The following CENPP variants were observed in gnomAD, a reference collection of about 807,000 sequenced individuals.
The protein encoded by CENPP is centromere protein P.
CENPP carries 24 observed loss-of-function variants against 35.6 expected under a neutral mutation model. That is an observed-to-expected ratio of 0.67 (90% confidence interval 0.49 to 0.95). The LOEUF (loss-of-function observed/expected upper bound fraction) is 0.95, where lower values mean the gene tolerates loss of function less well. Ranked by LOEUF, CENPP falls within the 40% of genes least tolerant of loss-of-function variation. CENPP has a pLI of 0.00. For synonymous variants in CENPP, 120 were observed against 125.5 expected (o/e 0.96, Z 0.29); for missense variants, 332 against 345.3 (o/e 0.96, Z 0.31).
chr9:92,618,948 A>G lies in CENPP; in HGVS notation c.*5799A>G. Reference sequence around the variant, plus strand: ...TAACGACTATGAGATTATCAGTTTCATCCCGAATTCCCAGAAACAGAGGGG... The same window carrying G: ...TAACGACTATGAGATTATCAGTTTCGTCCCGAATTCCCAGAAACAGAGGGG... On this transcript the variant is annotated 3_prime_UTR_variant, in exon 8 of 8. Transcript: ENST00000375587. The G allele has an allele frequency of 3.6e-6, 1 of 278,024 alleles. No individual in the cohort carries two copies. The highest frequency in any genetic ancestry group is 3.9e-5 in the South Asian group (1 of 25,436). 17.2% of individuals were successfully genotyped at this position (278,024 alleles called of 1,614,324 possible).
intron 5 of CENPP, among the ~76,000 whole-genome samples, chr9:92,388,432 G>C (rs564909283): frequency 6.6e-6 from 1 of 152,058 alleles, no homozygotes; most frequent in East Asian, 1.9e-4. Flanking sequence ...AAAGTGCTGG[G>C]ATTATAGGCG....
chr9:92,377,963 C>A (rs1346000977), intron 4 of CENPP, among the ~76,000 whole-genome samples: 1 of 152,158 alleles, frequency 6.6e-6, no homozygotes, highest in Non-Finnish European at 1.5e-5. Flanking sequence ...CTCTGATTCT[C>A]CCTTATCTCT....
intron 5 of CENPP, among the ~76,000 whole-genome samples, chr9:92,399,296 GTC>G (rs967909613): frequency 1.5e-4 from 23 of 151,906 alleles, no homozygotes; most frequent in African/African-American, 5.3e-4. Context: ...TAATTTATAT[GTC>G]TCTGTGTGAG....
chr9:92,385,489 C>T, intron 5 of CENPP: 1 of 778,168 alleles, frequency 1.3e-6, no homozygotes, highest in Non-Finnish European at 2.0e-6. Flanking sequence ...AACATCCTTG[C>T]TTAAAATATT....
chr9:92,402,801 T>C (rs544751671), intron 5 of CENPP, among the ~76,000 whole-genome samples: 12 of 152,350 alleles, frequency 7.9e-5, no homozygotes, highest in Middle Eastern at 3.4e-3. Context: ...ACCAGTACTC[T>C]TCTATGTATT....
intron 5 of CENPP, among the ~76,000 whole-genome samples, chr9:92,389,409 C>G (rs772598138): frequency 2.0e-5 from 3 of 152,150 alleles, no homozygotes; most frequent in Non-Finnish European, 4.4e-5. Flanking sequence ...TAGAATTTCA[C>G]AGTCTAATAT....
chr9:92,353,973 G>GCC (rs771915746), intron 4 of CENPP, among the ~76,000 whole-genome samples: 25 of 152,172 alleles, frequency 1.6e-4, no homozygotes, highest in Non-Finnish European at 3.1e-4. Flanking sequence ...ACTTCAAAAG[G>GCC]CCATTCTACT....
intron 5 of CENPP, among the ~76,000 whole-genome samples, chr9:92,580,195 T>A (rs1193144275): frequency 2.0e-5 from 3 of 152,190 alleles, no homozygotes; most frequent in Non-Finnish European, 2.9e-5. Flanking sequence ...GCTGCTGGAT[T>A]CGGTTTGCCA....
At chr9:92,382,854 C>G (rs1323661686) in intron 5 of CENPP, among the ~76,000 whole-genome samples, 1 of 127,898 alleles carries the variant, frequency 7.8e-6, no homozygotes, top group African/African-American at 3.0e-5. Context: ...TTCTGTTGGT[C>G]TATATGTCTG....
intron 3 of CENPP, among the ~76,000 whole-genome samples, chr9:92,345,136 C>G (rs1841251345): frequency 6.6e-6 from 1 of 151,972 alleles, no homozygotes; most frequent in Non-Finnish European, 1.5e-5. Flanking sequence ...ACCTGTAGTC[C>G]CAGCTACTCG....
At chr9:92,522,612 A>G (rs1848147281) in intron 5 of CENPP, 1 of 1,613,622 alleles carries the variant, frequency 6.2e-7, no homozygotes, top group East Asian at 2.2e-5. Context: ...CTCCAGGAAA[A>G]CTTGAAAAGG....
At chr9:92,371,743 T>G (rs1842008470) in intron 4 of CENPP, among the ~76,000 whole-genome samples, 1 of 152,156 alleles carries the variant, frequency 6.6e-6, no homozygotes, top group Non-Finnish European at 1.5e-5. Flanking sequence ...GTTCTCTCTT[T>G]ATATTTGGTA....
At chr9:92,470,783 T>G (rs771223552) in intron 5 of CENPP, 1 of 1,513,944 alleles carries the variant, frequency 6.6e-7, no homozygotes, top group South Asian at 1.2e-5. Context: ...AGGTCAAACC[T>G]TAGAAAGAAA....
At chr9:92,351,548 A>C (rs559358234) in intron 4 of CENPP, among the ~76,000 whole-genome samples, 1 of 151,968 alleles carries the variant, frequency 6.6e-6, no homozygotes, top group East Asian at 1.9e-4. Flanking sequence ...CTCCTCATCC[A>C]CCATTCTACT....
chr9:92,588,423 AT>A (rs879371310), intron 5 of CENPP, among the ~76,000 whole-genome samples: 95 of 142,900 alleles, frequency 6.6e-4, no homozygotes, highest in Admixed American at 7.7e-4. Context: ...AATTTTTTGT[AT>A]TTTTTTTTTT....
intron 5 of CENPP, among the ~76,000 whole-genome samples, chr9:92,603,196 C>T (rs955962659): frequency 1.3e-5 from 2 of 152,180 alleles, no homozygotes; most frequent in Non-Finnish European, 2.9e-5. Context: ...GACAAAGGCC[C>T]CTTGTCCCAG....
At chr9:92,392,020 A>AT (rs1425735852) in intron 5 of CENPP, among the ~76,000 whole-genome samples, 5 of 152,028 alleles carry the variant, frequency 3.3e-5, no homozygotes, top group African/African-American at 1.2e-4. Context: ...TCTCGGTGTG[A>AT]TTTTTTTCAG....
rs905587689 is a variant in CENPP, at chr9:92,618,532, G to A, written c.*5383G>A. ...TTGCCCAGCTGCATCCTTGGTCGGG[G>A]GGCTGCTGAACAGTGGTATCTTCGT... On this transcript the variant is annotated 3_prime_UTR_variant, in exon 8 of 8. Transcript: ENST00000375587. 4.4e-6 allele frequency: 2 copies of A among 456,564 alleles called. No homozygotes were observed. The highest frequency in any genetic ancestry group is 8.8e-6 in the Non-Finnish European group (2 of 226,968). The allele number at this position is 456,564 out of a possible 1,614,324, so 28.3% of individuals were successfully genotyped here. A position where few individuals can be genotyped will look rare whatever the true frequency, so the allele number is the denominator to read the frequency against.
chr9:92,515,297 C>T (rs1847633934), intron 5 of CENPP: 1 of 1,340,814 alleles, frequency 7.5e-7, no homozygotes, highest in Non-Finnish European at 9.5e-7. Context: ...AAATATTATT[C>T]CCTCCAAGTA....
Sources: allele counts gnomAD v4.1 joint callset (sites outside exome capture counted in the v4.1 genomes callset), GRCh38; gene constraint gnomAD v4.1.1; transcripts MANE v1.5; gene names NCBI Gene and HGNC (gene_info 2026-07-23, HGNC 2026-07-21).